The following GSE1 variants were observed in gnomAD, a reference collection of about 807,000 sequenced individuals.
The protein encoded by GSE1 is genetic suppressor element 1.
GSE1 carries 32 observed loss-of-function variants against 112.6 expected under a neutral mutation model. The observed-to-expected ratio is 0.28, with a 90% CI of 0.21 to 0.38. GSE1 has a LOEUF of 0.38. GSE1 is among the 10% of genes least tolerant of loss of function. The pLI is 1.00. For missense variants in GSE1, 2,348 were observed against 1,699.2 expected (o/e 1.38, Z -6.71); for synonymous variants, 1,115 against 735.6 (o/e 1.52, Z -8.35).
chr16:85,530,368 T>C (rs1452061091), intron 2 of GSE1, among the ~76,000 whole-genome samples: 3 of 152,216 alleles, frequency 2.0e-5, no homozygotes, highest in Non-Finnish European at 2.9e-5. Flanking sequence ...TGCAATCTTA[T>C]CAGAGCTGAA....
Position 85,671,439 on chromosome 16 carries a change from C to CAAAAAAAAAAAAAAAAAA in GSE1, c.3519+342_3519+359dup, listed in dbSNP as rs1159665909. 7.0e-4 allele frequency among the ~76,000 whole-genome samples: 43 copies of CAAAAAAAAAAAAAAAAAA among 61,306 alleles called. 1 individual carries two copies. Among genetic ancestry groups the CAAAAAAAAAAAAAAAAAA allele is most frequent in the African/African-American group, 2.7e-3 (40 of 14,888 alleles). 40.2% of individuals were successfully genotyped at this position (61,306 alleles called of 152,430 possible). A position where few individuals can be genotyped will look rare whatever the true frequency, so the allele number is the denominator to read the frequency against. The stretch of plus-strand genomic sequence containing the variant: ...TGGGCGACAGAGCGAGACTCCGTCT[C>CAAAAAAAAAAAAAAAAAA]AAAAAAAAAAAAAAAAAAGATCAAA... On this transcript the variant is annotated intron_variant, in intron 15 of 15. Transcript: ENST00000253458.
intron 1 of GSE1, among the ~76,000 whole-genome samples, chr16:85,342,066 G>C (rs1465293916): frequency 6.6e-6 from 1 of 151,992 alleles, no homozygotes; most frequent in Non-Finnish European, 1.5e-5. Context: ...TGTCTGCAGG[G>C]CCCGGTGGCC....
intron 1 of GSE1, among the ~76,000 whole-genome samples, chr16:85,604,530 A>G (rs1006524455): frequency 6.6e-6 from 1 of 151,132 alleles, no homozygotes; most frequent in African/African-American, 2.4e-5. Context: ...ATCAGGCCCC[A>G]TTCCTTTCTG....
In GSE1 at chr16:85,672,611, A is replaced by AT. The variant is rs1473024487; in HGVS notation, c.*77dup. On this transcript the variant is annotated 3_prime_UTR_variant, in exon 16 of 16. Coordinates refer to ENST00000253458, the MANE Select transcript of GSE1 (RefSeq NM_014615.5). ...TATTTTATTACCTTGAATATTTAAT[A>AT]TTTTTCACTGGGAGGTTTGAAGCTT... 1.9e-6 allele frequency: 2 copies of AT among 1,064,326 alleles called. No homozygotes were observed. The highest frequency in any genetic ancestry group is 2.6e-6 in the Non-Finnish European group (2 of 768,240). 65.9% of individuals were successfully genotyped at this position (1,064,326 alleles called of 1,614,324 possible). A position where few individuals can be genotyped will look rare whatever the true frequency, so the allele number is the denominator to read the frequency against.
intron 1 of GSE1, among the ~76,000 whole-genome samples, chr16:85,317,159 C>T (rs529977428): frequency 1.1e-4 from 16 of 152,304 alleles, no homozygotes; most frequent in African/African-American, 9.6e-5. Flanking sequence ...CTGAAGATCA[C>T]GTGGGGACAA....
At chr16:85,220,652 G>T (rs1469599735) in intron 1 of GSE1, among the ~76,000 whole-genome samples, 3 of 152,162 alleles carry the variant, frequency 2.0e-5, no homozygotes, top group African/African-American at 4.8e-5. Context: ...CGCTTGCCCT[G>T]GCCCGTCTCG....
chr16:85,381,587 G>C (rs973868297), intron 2 of GSE1, among the ~76,000 whole-genome samples: 1 of 152,204 alleles, frequency 6.6e-6, no homozygotes, highest in African/African-American at 2.4e-5. Context: ...GGGAGGTACT[G>C]TTACCTCCGT....
intron 2 of GSE1, among the ~76,000 whole-genome samples, chr16:85,637,282 G>C (rs959598702): frequency 6.6e-6 from 1 of 152,238 alleles, no homozygotes; most frequent in Admixed American, 6.5e-5. Context: ...TCTGGACCCT[G>C]AGCGTGACAT....
At chr16:85,360,241 G>T (rs1891269786) in intron 2 of GSE1, among the ~76,000 whole-genome samples, 1 of 151,978 alleles carries the variant, frequency 6.6e-6, no homozygotes, top group Non-Finnish European at 1.5e-5. Context: ...TACTAGCGGG[G>T]TACGTTGGGG....
At chr16:85,176,574 C>G (rs1006601088) in intron 1 of GSE1, among the ~76,000 whole-genome samples, 4 of 152,266 alleles carry the variant, frequency 2.6e-5, no homozygotes, top group African/African-American at 9.6e-5. Context: ...TGGATTGGCT[C>G]TCCCTGCAAG....
chr16:85,443,109 C>T (rs2049420707), intron 2 of GSE1, among the ~76,000 whole-genome samples: 1 of 152,234 alleles, frequency 6.6e-6, no homozygotes, highest in African/African-American at 2.4e-5. Context: ...CTGCGAAGAT[C>T]CTCTTCCCAG....
intron 2 of GSE1, among the ~76,000 whole-genome samples, chr16:85,508,014 C>A (rs2051598308): frequency 6.6e-6 from 1 of 152,142 alleles, no homozygotes; most frequent in Admixed American, 6.5e-5. Flanking sequence ...GTGGCCAGTG[C>A]CCCGACTTCT....
intron 1 of GSE1, among the ~76,000 whole-genome samples, chr16:85,344,369 C>T (rs895594311): frequency 2.0e-5 from 3 of 152,124 alleles, no homozygotes; most frequent in African/African-American, 7.2e-5. Context: ...AACCCTGGGC[C>T]GAGCGGGGTC....
intron 1 of GSE1, among the ~76,000 whole-genome samples, chr16:85,316,536 C>A (rs1316416356): frequency 6.6e-6 from 1 of 152,202 alleles, no homozygotes; most frequent in East Asian, 1.9e-4. Flanking sequence ...AGGTCTCTCC[C>A]ACTGGGGGAG....
intron 2 of GSE1, among the ~76,000 whole-genome samples, chr16:85,411,535 C>T (rs200920372): frequency 0.054 from 910 of 16,976 alleles, 2 homozygotes; most frequent in East Asian, 0.18. Context: ...CCGTTACACT[C>T]AGGGCCCCCC....
In GSE1 at chr16:85,408,520, C is replaced by G. The variant is rs867735019; in HGVS notation, c.2464+50877C>G. On this transcript the variant is annotated intron_variant, in intron 2 of 2. Transcript: ENST00000637419. ...ATAATCCTCACTGTTACACTCAGGC[C>G]CCCTGGATAATCCTCACTGTTACAC... is the stretch of plus-strand genomic sequence containing the variant. Among the ~76,000 whole-genome samples, 12 of 49,990 alleles carry G rather than the reference C, an allele frequency of 2.4e-4. 2 individuals are homozygous for G. In the South Asian group the frequency reaches 0.012, roughly 48 times the overall value. The allele number at this position is 49,990 out of a possible 152,430, so 32.8% of individuals were successfully genotyped here. A position where few individuals can be genotyped will look rare whatever the true frequency, so the allele number is the denominator to read the frequency against.
intron 3 of GSE1, among the ~76,000 whole-genome samples, chr16:85,654,042 G>A (rs987346251): frequency 6.6e-6 from 1 of 152,136 alleles, no homozygotes. Flanking sequence ...CCCAGGGAGG[G>A]AGACGGATCC....
At chr16:85,507,314 C>T (rs570821674) in intron 2 of GSE1, among the ~76,000 whole-genome samples, 20 of 152,254 alleles carry the variant, frequency 1.3e-4, no homozygotes, top group Admixed American at 3.3e-4. Context: ...GGAAACTGAG[C>T]GGGGGGCTGT....
At chr16:85,347,966 G>A (rs1350703775) in intron 1 of GSE1, among the ~76,000 whole-genome samples, 10 of 152,156 alleles carry the variant, frequency 6.6e-5, no homozygotes, top group African/African-American at 2.2e-4. Flanking sequence ...TTTTCTTTGC[G>A]GCAGGCGGGG....
Sources: gnomAD v4.1 joint callset for allele counts (sites outside exome capture counted in the v4.1 genomes callset) on GRCh38, gnomAD v4.1.1 for gene constraint, MANE v1.5 for transcripts, NCBI Gene and HGNC (gene_info 2026-07-23, HGNC 2026-07-21) for gene names.